The following TBCA variants were observed in gnomAD, a reference collection of about 807,000 sequenced individuals.
TBCA encodes tubulin-specific chaperone A.
In TBCA, 6 loss-of-function variants were observed where a neutral mutation model predicts 15.8. That is an observed-to-expected ratio of 0.38 (90% CI 0.21 to 0.75). The LOEUF is 0.75. Ranked by LOEUF, TBCA falls within the 30% of genes least tolerant of loss-of-function variation. TBCA has a pLI of 0.46. For synonymous variants in TBCA, 32 were observed against 42.3 expected, an observed-to-expected ratio of 0.76 and a Z score of 0.94; for missense variants, 90 against 131.2, an observed-to-expected ratio of 0.69 and a Z score of 1.53.
At chr5:77,699,033 C>CAA (rs71608119) in intron 2 of TBCA, among the ~76,000 whole-genome samples, 6,835 of 69,726 alleles carry the variant, frequency 0.098, 802 homozygotes, top group Middle Eastern at 0.15. Context: ...GCAAGAGCAT[C>CAA]AAAAAAAAAA....
intron 2 of TBCA, among the ~76,000 whole-genome samples, chr5:77,698,480 C>T (rs182197717): frequency 5.7e-4 from 86 of 152,186 alleles, no homozygotes; most frequent in African/African-American, 1.9e-3. Context: ...TTAAAAAATA[C>T]TTTTTCTCCA....
At position 77,733,343 on chromosome 5, in the gene TBCA, T is replaced by C. The variant is rs115636227; in HGVS notation, c.54-24996A>G. Among the ~76,000 whole-genome samples, 369 of 152,358 alleles carry C rather than the reference T, an allele frequency of 2.4e-3. 5 individuals are homozygous for C. Among genetic ancestry groups the C allele is most frequent in the Admixed American group, 5.1e-3 (78 of 15,304 alleles). The stretch of plus-strand genomic sequence containing the variant: ...GGGAAAGGCATGTGGAAAGCCAAGA[T>C]AGGCCTAAAGCTGGGCCTCTTGTGC... On this transcript the variant is annotated intron_variant, in intron 1 of 3. Coordinates refer to ENST00000380377, the MANE Select transcript of TBCA (RefSeq NM_004607.3).
intron 1 of TBCA, among the ~76,000 whole-genome samples, chr5:77,747,361 T>C (rs1332362840): frequency 6.6e-6 from 1 of 152,088 alleles, no homozygotes; most frequent in East Asian, 1.9e-4. Context: ...AAAATTTAAT[T>C]ACAATAATCA....
At chr5:77,693,568 G>A in intron 2 of TBCA, 1 of 557,812 alleles carries the variant, frequency 1.8e-6, no homozygotes, top group East Asian at 3.7e-5. Context: ...GGAGACCGAG[G>A]CAGGCAGATC....
At chr5:77,708,195 T>C (rs1561265933) in intron 2 of TBCA, 47 bp downstream of exon 2, 4 of 1,310,294 alleles carry the variant, frequency 3.1e-6, no homozygotes, top group East Asian at 4.7e-5. Flanking sequence ...TTAGTTAATA[T>C]GGCATTCTGT....
intron 1 of TBCA, among the ~76,000 whole-genome samples, chr5:77,738,684 G>C (rs1398411757): frequency 6.6e-6 from 1 of 152,230 alleles, no homozygotes; most frequent in Non-Finnish European, 1.5e-5. Flanking sequence ...TGGAGTTCAA[G>C]AAATTCTCAT....
chr5:77,753,909 C>A (rs1008613324), intron 1 of TBCA, among the ~76,000 whole-genome samples: 1 of 152,130 alleles, frequency 6.6e-6, no homozygotes, highest in Admixed American at 6.5e-5. Context: ...CAGGCATGCA[C>A]CACCACACCC....
intron 1 of TBCA, among the ~76,000 whole-genome samples, chr5:77,753,400 C>G (rs1477732499): frequency 6.6e-6 from 1 of 152,170 alleles, no homozygotes; most frequent in Non-Finnish European, 1.5e-5. Flanking sequence ...AAGAGACATG[C>G]AGACAAAAGC....
rs70991303 is a variant in TBCA, at chr5:77,693,799, CAAAAAAAAA to C, written c.160-456_160-448del. ...GGGCAACAAGAGTGAAACTCCATCT[CAAAAAAAAA>C]AAAAAAAAAAAAAAAGTTAGAAAAG... On this transcript the variant is annotated intron_variant, in intron 2 of 3. Coordinates refer to ENST00000380377, the MANE Select transcript of TBCA (RefSeq NM_004607.3). Among the ~76,000 whole-genome samples the C allele has an allele frequency of 0.019, 1,489 of 78,012 alleles. 99 individuals carry two copies. The East Asian group carries it at 0.24, about 13-fold the overall frequency. The allele number at this position is 78,012 out of a possible 152,430, so 51.2% of individuals were successfully genotyped here. A position where few individuals can be genotyped will look rare whatever the true frequency, so the allele number is the denominator to read the frequency against.
In TBCA at chr5:77,733,067, G is replaced by A. The variant is rs536482642; in HGVS notation, c.54-24720C>T. Among the ~76,000 whole-genome samples the A allele has an allele frequency of 1.1e-3, 171 of 152,284 alleles. 2 individuals are homozygous for A. The highest frequency in any genetic ancestry group is 3.9e-3 in the African/African-American group (164 of 41,550). On this transcript the variant is annotated intron_variant, in intron 1 of 3. Coordinates refer to ENST00000380377, the MANE Select transcript of TBCA (RefSeq NM_004607.3). Reference sequence around the variant, plus strand: ...GAGGCTGAGGCGGGTGGATTGCTGAGGTCAGGAGTTTGAGACCAGCCTGGC... The same window carrying A: ...GAGGCTGAGGCGGGTGGATTGCTGAAGTCAGGAGTTTGAGACCAGCCTGGC...
intron 2 of TBCA, among the ~76,000 whole-genome samples, chr5:77,703,513 AATTGACTGATATT>A (rs1196747189): frequency 6.6e-6 from 1 of 152,240 alleles, no homozygotes; most frequent in Non-Finnish European, 1.5e-5. Context: ...ATAAATCTTT[AATTGACTGATATT>A]CTAGCCTCCT....
chr5:77,772,394 G>C (rs1271077245), intron 1 of TBCA, among the ~76,000 whole-genome samples: 1 of 151,992 alleles, frequency 6.6e-6, no homozygotes, highest in African/African-American at 2.4e-5. Flanking sequence ...GTCGACAGGT[G>C]CAGCATATCA....
At chr5:77,762,372 C>G (rs1214959698) in intron 1 of TBCA, among the ~76,000 whole-genome samples, 1 of 152,054 alleles carries the variant, frequency 6.6e-6, no homozygotes, top group Non-Finnish European at 1.5e-5. Context: ...ATGAAAATAT[C>G]AATTTTAAGG....
At chr5:77,706,299 A>G (rs1194365685) in intron 2 of TBCA, among the ~76,000 whole-genome samples, 1 of 152,194 alleles carries the variant, frequency 6.6e-6, no homozygotes, top group East Asian at 1.9e-4. Context: ...ATTATTTTAA[A>G]TGCATCTAAC....
chr5:77,708,216 T>A, intron 2 of TBCA, 26 bp downstream of exon 2: 1 of 1,464,026 alleles, frequency 6.8e-7, no homozygotes, highest in Non-Finnish European at 9.5e-7. Flanking sequence ...AAATGTTAGC[T>A]ATTGTTATTT....
chr5:77,702,525 G>T (rs1241821134), intron 2 of TBCA, among the ~76,000 whole-genome samples: 1 of 152,192 alleles, frequency 6.6e-6, no homozygotes, highest in African/African-American at 2.4e-5. Flanking sequence ...TGGCTAAAAA[G>T]AAGTGGCAAG....
At chr5:77,753,491 A>C (rs1747403454) in intron 1 of TBCA, among the ~76,000 whole-genome samples, 1 of 152,244 alleles carries the variant, frequency 6.6e-6, no homozygotes. Context: ...TGTTACAACA[A>C]AAGCTGAAGC....
chr5:77,727,230 C>CT (rs1161417472), intron 1 of TBCA, among the ~76,000 whole-genome samples: 1 of 120,212 alleles, frequency 8.3e-6, no homozygotes, highest in Non-Finnish European at 1.6e-5. Context: ...CAGTGAGACT[C>CT]TGTCTCAGGA....
intron 2 of TBCA, among the ~76,000 whole-genome samples, chr5:77,702,155 C>A (rs1746033221): frequency 6.6e-6 from 1 of 151,972 alleles, no homozygotes; most frequent in Middle Eastern, 3.2e-3. Context: ...ACTCTTGTAA[C>A]CAAATACCAC....
Sources: gnomAD v4.1 joint callset for allele counts (sites outside exome capture counted in the v4.1 genomes callset) on GRCh38, gnomAD v4.1.1 for gene constraint, MANE v1.5 for transcripts, NCBI Gene and HGNC (gene_info 2026-07-23, HGNC 2026-07-21) for gene names.